CHUK: variants seen among roughly 807,000 people sequenced by gnomAD.
CHUK encodes the protein inhibitor of nuclear factor kappa-B kinase subunit alpha.
CHUK carries 35 observed loss-of-function variants against 104.8 expected under a neutral mutation model. That is an observed-to-expected ratio of 0.33 (90% CI 0.26 to 0.44). The LOEUF (loss-of-function observed/expected upper bound fraction) is 0.44, where lower values mean the gene tolerates loss of function less well. CHUK is among the 20% of genes least tolerant of loss of function. CHUK has a pLI of 1.00. For missense variants in CHUK, 663 were observed against 902.7 expected (o/e 0.73, Z 3.40); for synonymous variants, 276 against 291.9 (o/e 0.95, Z 0.56).
chr10:100,193,852 G>A (rs1845261881), intron 18 of CHUK, 132 bp downstream of exon 18: 2 of 779,042 alleles, frequency 2.6e-6, no homozygotes, highest in Admixed American at 4.0e-5. Flanking sequence ...ACCAAGCAAG[G>A]AACATGGATG....
Position 100,204,549 on chromosome 10 carries a change from C to A in CHUK, c.1464G>T (p.Gln488His). 6.2e-7 allele frequency: 1 copy of A among 1,613,628 alleles called. No homozygotes were observed. Among genetic ancestry groups the A allele is most frequent in the Non-Finnish European group, 8.5e-7 (1 of 1,179,694 alleles). The change falls in exon 13 of 21, where the codon CAG becomes CAT. Residue 488 changes from glutamine to histidine, a missense_variant. By Grantham distance (24) the Gln-to-His change is conservative. Transcript: ENST00000370397. ...AKLEFFHKSI[Q>H]LDLERYSEQM... is the part of the protein sequence containing the mutation. ...GCTCGCTGTATCTCTCCAAGTCAAG[C>A]TGAATGCTTTTGTGAAAAAACTCCA...
chr10:100,208,896 G>A (rs902479544), intron 10 of CHUK, among the ~76,000 whole-genome samples: 5 of 151,802 alleles, frequency 3.3e-5, no homozygotes, highest in African/African-American at 1.2e-4. Context: ...AAATAACAAA[G>A]GAATTCTTAA....
At chr10:100,218,220 AT>A in intron 8 of CHUK, 90 bp from the exon 9 acceptor site, 1 of 1,170,134 alleles carries the variant, frequency 8.5e-7, no homozygotes, top group Non-Finnish European at 1.3e-6. Flanking sequence ...CAGGTTGTCC[AT>A]TTTCTTTCCC....
chr10:100,203,301 T>C (rs1845512877), intron 13 of CHUK, among the ~76,000 whole-genome samples: 1 of 152,122 alleles, frequency 6.6e-6, no homozygotes, highest in Non-Finnish European at 1.5e-5. Flanking sequence ...AAAGCACATA[T>C]AGATCTACCT....
rs1845129428 is a variant in CHUK at position 100,188,798 on chromosome 10, T to G, written c.*800A>C. On this transcript the variant is annotated 3_prime_UTR_variant, in exon 21 of 21. Coordinates refer to ENST00000370397, the MANE Select transcript of CHUK (RefSeq NM_001278.5). ...TAAAGGAGTGCAGACCTTTATAAAT[T>G]TGTATGACAAGACATGAAAGATTGT... 1 of 152,218 alleles carries G rather than the reference T, an allele frequency of 6.6e-6. No homozygotes were observed. Among genetic ancestry groups the G allele is most frequent in the African/African-American group, 2.4e-5 (1 of 41,466 alleles). The allele number at this position is 152,218 out of a possible 1,614,324, so 9.4% of individuals were successfully genotyped here.
chr10:100,189,722 C>A (rs1393480744), intron 20 of CHUK, 95 bp from the exon 21 acceptor site: 3 of 847,502 alleles, frequency 3.5e-6, no homozygotes, highest in African/African-American at 1.7e-5. Context: ...TTGGACATTT[C>A]ATAATCAAAA....
chr10:100,224,609 G>C (rs1846064358), intron 2 of CHUK, among the ~76,000 whole-genome samples: 3 of 151,608 alleles, frequency 2.0e-5, no homozygotes, highest in Admixed American at 6.6e-5. Context: ...GCTAATTTTT[G>C]TATTTTTAGT....
In CHUK at chr10:100,222,977, C is replaced by A; in HGVS notation, c.204G>T (p.Leu68Phe). ...AGGCCTTTACAACATTGGCATGGTT[C>A]AACCTAATAAGAAAGAAAAACATTA... ...WCHEIQIMKK[L>F]NHANVVKACD... is the part of the protein sequence containing the mutation. Residue 68 changes from leucine to phenylalanine, a missense_variant, in exon 3 of 21, where the codon TTG (leucine) becomes TTT (phenylalanine). Physicochemically the swap from Leu to Phe is conservative, Grantham distance 22. Transcript: ENST00000370397. 6.6e-7 allele frequency: 1 copy of A among 1,524,792 alleles called. No homozygotes were observed. The highest frequency in any genetic ancestry group is 1.1e-5 in the South Asian group (1 of 88,998). 94.5% of individuals were successfully genotyped at this position (1,524,792 alleles called of 1,614,324 possible).
intron 13 of CHUK, 29 bp from the exon 14 acceptor site, chr10:100,202,178 C>T (rs1845478352): frequency 1.4e-6 from 2 of 1,452,992 alleles, no homozygotes; most frequent in Non-Finnish European, 1.9e-6. Flanking sequence ...TTGGTTATCT[C>T]AGAAATAGCC....
At chr10:100,225,877 G>A (rs1340090769) in intron 2 of CHUK, 46 bp downstream of exon 2, 2 of 1,066,236 alleles carry the variant, frequency 1.9e-6, no homozygotes, top group Non-Finnish European at 2.9e-6. Context: ...ATGACATCTG[G>A]TTGGGCTGTA....
chr10:100,201,218 T>C (rs1354370611), intron 14 of CHUK, among the ~76,000 whole-genome samples: 1 of 152,016 alleles, frequency 6.6e-6, no homozygotes, highest in East Asian at 1.9e-4. Flanking sequence ...ACACCATGGG[T>C]ATCCCCACCC....
At position 100,188,837 on chromosome 10, in the gene CHUK, T is replaced by C. The variant is rs895832319; in HGVS notation, c.*761A>G. 6.6e-6 allele frequency: 1 copy of C among 152,232 alleles called. No homozygotes were observed. Among genetic ancestry groups the C allele is most frequent in the African/African-American group, 2.4e-5 (1 of 41,458 alleles). 9.4% of individuals were successfully genotyped at this position (152,232 alleles called of 1,614,324 possible). On this transcript the variant is annotated 3_prime_UTR_variant, in exon 21 of 21. Coordinates refer to ENST00000370397, the MANE Select transcript of CHUK (RefSeq NM_001278.5). The stretch of plus-strand genomic sequence containing the variant: ...ATGAAAGATTGTTTAAACAAATGAC[T>C]CATTTTTACAAATGAAAAAACATGT...
rs17885056 is a variant in CHUK at position 100,225,229 on chromosome 10, G to A, written c.200+694C>T. Among the ~76,000 whole-genome samples, 777 of 152,182 alleles carry A rather than the reference G, an allele frequency of 5.1e-3. 9 individuals carry two copies. The highest frequency in any genetic ancestry group is 0.018 in the African/African-American group (727 of 41,514). ...TTTAATTCTGCAAAGCTGAAACTCC[G>A]CACCTATTAAAAATTATTCTCTATT... On this transcript the variant is annotated intron_variant, in intron 2 of 20. Transcript: ENST00000370397.
At chr10:100,210,705 C>T (rs35152300) in intron 9 of CHUK, among the ~76,000 whole-genome samples, 2 of 152,084 alleles carry the variant, frequency 1.3e-5, no homozygotes, top group Admixed American at 6.5e-5. Context: ...CATTGTTATG[C>T]GTGGTGAGTT....
Position 100,229,497 on chromosome 10 carries a change from G to A in CHUK, c.36C>T (p.Gly12=), listed in dbSNP as rs767176948. The change falls in exon 1 of 21, where the codon GGC becomes GGT. Residue 12 remains glycine, a synonymous_variant. Coordinates refer to ENST00000370397, the MANE Select transcript of CHUK (RefSeq NM_001278.5). ...GCCGCTCCCGCATCTCCCAGGGCCC[G>A]CCCGCGCCCGGCCGCAGCCCCGGGG... ...ERPPGLRPGA[G]GPWEMRERLG... The A allele has an allele frequency of 2.9e-5, 45 of 1,577,408 alleles. No individual in the cohort carries two copies. In the Admixed American group the frequency reaches 8.0e-4, roughly 28 times the overall value.
At chr10:100,228,986 C>G (rs1455238657) in intron 1 of CHUK, among the ~76,000 whole-genome samples, 1 of 97,218 alleles carries the variant, frequency 1.0e-5, no homozygotes, top group African/African-American at 3.3e-5. Flanking sequence ...AGCGCGCGCG[C>G]GCGCGCGCAC....
chr10:100,191,877 T>C (rs1845213222), intron 19 of CHUK, among the ~76,000 whole-genome samples: 1 of 152,176 alleles, frequency 6.6e-6, no homozygotes, highest in African/African-American at 2.4e-5. Flanking sequence ...CCAGCACTTT[T>C]GGAGGCCGAG....
chr10:100,201,965 T>G lies in CHUK; in HGVS notation c.1569+123A>C, dbSNP rs541487193. ...CCCTCTTTATATACAAAGCATCTAC[T>G]AGAATTTTGTCTGAATTTCAGGAAT... is the stretch of plus-strand genomic sequence containing the variant. On this transcript the variant is annotated intron_variant, in intron 14 of 20. Transcript: ENST00000370397. 6.7e-5 allele frequency: 52 copies of G among 779,816 alleles called. 1 individual carries two copies. In the Middle Eastern group the frequency reaches 4.3e-3, roughly 64 times the overall value. 48.3% of individuals were successfully genotyped at this position (779,816 alleles called of 1,614,324 possible).
chr10:100,194,635 A>G (rs931798307), intron 16 of CHUK, 114 bp from the exon 17 acceptor site: 4 of 650,944 alleles, frequency 6.1e-6, no homozygotes, highest in African/African-American at 5.5e-5. Context: ...ATTAATAAAC[A>G]TCTCCATTTA....
Sources: gnomAD v4.1 joint callset for allele counts (sites outside exome capture counted in the v4.1 genomes callset) on GRCh38, gnomAD v4.1.1 for gene constraint, MANE v1.5 for transcripts, NCBI Gene and HGNC (gene_info 2026-07-23, HGNC 2026-07-21) for gene names.